The following EYS variants were observed in gnomAD, a reference collection of about 807,000 sequenced individuals.
EYS encodes protein eyes shut homolog.
Under a neutral mutation model 282.1 loss-of-function variants are expected in EYS, and 250 were observed. That is an observed-to-expected ratio of 0.89 (90% CI 0.80 to 0.98). EYS has a LOEUF of 0.98. EYS is among the 50% of genes least tolerant of loss of function. The probability of loss-of-function intolerance (pLI) is 0.00; values close to 1 mark genes in which losing one functional copy is unlikely to be tolerated. For missense variants in EYS, 4,016 were observed against 3,709.0 expected (o/e 1.08, Z -2.15); for synonymous variants, 1,355 against 1,282.9 (o/e 1.06, Z -1.20).
chr6:64,319,407 C>T (rs1209285396), intron 29 of EYS, among the ~76,000 whole-genome samples: 1 of 151,746 alleles, frequency 6.6e-6, no homozygotes, highest in Non-Finnish European at 1.5e-5. Context: ...TGGTTTTCAT[C>T]CTGTATTATC....
At chr6:65,671,084 C>T (rs1223620634) in intron 1 of EYS, among the ~76,000 whole-genome samples, 6 of 152,036 alleles carry the variant, frequency 3.9e-5, no homozygotes, top group Non-Finnish European at 8.8e-5. Flanking sequence ...AGAATTTATG[C>T]CATGTTATAT....
chr6:65,249,187 A>G (rs1452403764), intron 12 of EYS, among the ~76,000 whole-genome samples: 1 of 151,984 alleles, frequency 6.6e-6, no homozygotes, highest in African/African-American at 2.4e-5. Flanking sequence ...AACTATCTAA[A>G]CCATATTATG....
chr6:65,006,231 G>T (rs1361722240), intron 13 of EYS, among the ~76,000 whole-genome samples: 1 of 150,464 alleles, frequency 6.6e-6, no homozygotes, highest in East Asian at 2.0e-4. Flanking sequence ...GAGTCAAAGA[G>T]AAAAAGAAAG....
At chr6:65,652,607 T>C (rs1767696014) in intron 1 of EYS, among the ~76,000 whole-genome samples, 3 of 151,790 alleles carry the variant, frequency 2.0e-5, no homozygotes, top group Admixed American at 6.6e-5. Flanking sequence ...ATTAATAAGC[T>C]TGAATAATTT....
chr6:63,805,632 A>G (rs958496518), intron 37 of EYS, among the ~76,000 whole-genome samples: 1 of 152,200 alleles, frequency 6.6e-6, no homozygotes, highest in Non-Finnish European at 1.5e-5. Flanking sequence ...GTTCCCACGC[A>G]AACCTCATCT....
chr6:65,244,557 G>A (rs1256319036), intron 12 of EYS, among the ~76,000 whole-genome samples: 1 of 152,074 alleles, frequency 6.6e-6, no homozygotes, highest in Non-Finnish European at 1.5e-5. Context: ...CTGTCGCCCA[G>A]ACTGGAGTGC....
rs143728589 is a variant in EYS, at chr6:64,275,354, A to G, written c.6191+31616T>C. Among the ~76,000 whole-genome samples the G allele has an allele frequency of 3.0e-3, 457 of 152,024 alleles. 3 individuals are homozygous for G. The highest frequency in any genetic ancestry group is 0.01 in the African/African-American group (427 of 41,522). On this transcript the variant is annotated intron_variant, in intron 30 of 42. Transcript: ENST00000503581. ...TAAGTCTGTACTTAAAGACATATAT[A>G]ATATAATTGGGAGAAACTTTCAACC...
At chr6:64,603,296 G>T (rs1277921809) in intron 24 of EYS, among the ~76,000 whole-genome samples, 1 of 151,746 alleles carries the variant, frequency 6.6e-6, no homozygotes, top group Non-Finnish European at 1.5e-5. Context: ...TTATCCTACT[G>T]CTGCTCCTCT....
At chr6:65,080,075 G>A (rs925641353) in intron 12 of EYS, among the ~76,000 whole-genome samples, 1 of 152,084 alleles carries the variant, frequency 6.6e-6, no homozygotes, top group African/African-American at 2.4e-5. Flanking sequence ...AAAATTTTCA[G>A]GTGGAGAACT....
intron 15 of EYS, among the ~76,000 whole-genome samples, chr6:64,932,734 A>G (rs1412221904): frequency 6.6e-6 from 1 of 152,038 alleles, no homozygotes; most frequent in Admixed American, 6.6e-5. Context: ...ACACACACAC[A>G]GAGTCCTTTA....
At chr6:63,990,699 A>G (rs532845573) in intron 34 of EYS, among the ~76,000 whole-genome samples, 7 of 151,684 alleles carry the variant, frequency 4.6e-5, no homozygotes. Context: ...GAATGAGGGC[A>G]TGTGTCCAGT....
intron 31 of EYS, among the ~76,000 whole-genome samples, chr6:64,122,286 C>T (rs1235135054): frequency 6.6e-6 from 1 of 152,154 alleles, no homozygotes; most frequent in Non-Finnish European, 1.5e-5. Flanking sequence ...ATAAGAACCA[C>T]TTTCATAGCA....
intron 37 of EYS, among the ~76,000 whole-genome samples, chr6:63,802,821 T>A (rs1264810470): frequency 6.6e-6 from 1 of 152,168 alleles, no homozygotes; most frequent in Non-Finnish European, 1.5e-5. Context: ...AATGTGCAAC[T>A]GTATGTTTTA....
intron 31 of EYS, among the ~76,000 whole-genome samples, chr6:64,133,726 C>T (rs191374209): frequency 7.5e-4 from 114 of 152,182 alleles, no homozygotes; most frequent in African/African-American, 2.7e-3. Flanking sequence ...AGAACCATTT[C>T]TCCTAGAGCT....
chr6:64,723,655 C>T (rs1351323050), intron 22 of EYS, among the ~76,000 whole-genome samples: 1 of 152,176 alleles, frequency 6.6e-6, no homozygotes, highest in Non-Finnish European at 1.5e-5. Context: ...TTCTATAAAT[C>T]AATATCCTTC....
intron 12 of EYS, among the ~76,000 whole-genome samples, chr6:65,145,221 T>G (rs148995668): frequency 2.6e-5 from 4 of 152,228 alleles, no homozygotes; most frequent in African/African-American, 9.6e-5. Context: ...TACTAATTTA[T>G]TTGATATTAA....
chr6:65,332,947 T>C (rs1476172128), intron 11 of EYS, among the ~76,000 whole-genome samples: 1 of 151,396 alleles, frequency 6.6e-6, no homozygotes, highest in Non-Finnish European at 1.5e-5. Flanking sequence ...ATAATTATTT[T>C]TCTTTCTGTA....
chr6:64,455,500 T>C (rs1775528166), intron 26 of EYS, among the ~76,000 whole-genome samples: 2 of 152,122 alleles, frequency 1.3e-5, no homozygotes, highest in African/African-American at 2.4e-5. Flanking sequence ...GTATGTTACA[T>C]AGGTAGACAT....
chr6:64,442,440 A>G (rs1774979451), intron 26 of EYS, among the ~76,000 whole-genome samples: 1 of 152,206 alleles, frequency 6.6e-6, no homozygotes, highest in Non-Finnish European at 1.5e-5. Context: ...CTGAGGAGAA[A>G]TTAAAGCCTG....
Sources: allele counts gnomAD v4.1 joint callset (sites outside exome capture counted in the v4.1 genomes callset), GRCh38; gene constraint gnomAD v4.1.1; transcripts MANE v1.5; gene names NCBI Gene and HGNC (gene_info 2026-07-23, HGNC 2026-07-21).